Variants in TBC1D9 observed in about 807,000 individuals in gnomAD.
TBC1D9 encodes the protein TBC1 domain family member 9A.
TBC1D9 carries 63 observed loss-of-function variants against 132.0 expected under a neutral mutation model. The observed-to-expected ratio is 0.48, with a 90% confidence interval of 0.39 to 0.59. TBC1D9 has a LOEUF of 0.59. Ranked by LOEUF, TBC1D9 falls within the 20% of genes least tolerant of loss-of-function variation. The pLI is 0.00. For missense variants in TBC1D9, 1,261 were observed against 1,592.7 expected (o/e 0.79, Z 3.54); for synonymous variants, 610 against 609.9 (o/e 1.00, Z 0.00).
intron 2 of TBC1D9, among the ~76,000 whole-genome samples, chr4:140,700,506 C>A (rs541377061): frequency 1.3e-5 from 2 of 151,084 alleles, no homozygotes; most frequent in Non-Finnish European, 2.9e-5. Context: ...TATGAGAGAT[C>A]CAATAAAAGC....
At position 140,712,666 on chromosome 4, in the gene TBC1D9, C is replaced by T. The variant is rs185021029; in HGVS notation, c.131-11052G>A. Among the ~76,000 whole-genome samples the T allele has an allele frequency of 4.4e-3, 661 of 151,262 alleles. 4 individuals carry two copies. Among genetic ancestry groups the T allele is most frequent in the Non-Finnish European group, 7.9e-3 (534 of 67,822 alleles). On this transcript the variant is annotated intron_variant, in intron 1 of 20. Coordinates refer to ENST00000442267, the MANE Select transcript of TBC1D9 (RefSeq NM_015130.3). ...CTGAGGCAGGAGAATTGCTTGAACC[C>T]GGGAGGCGGAGGTTGCAGTGAAGCC...
At chr4:140,660,749 TG>T (rs575696981) in intron 10 of TBC1D9, among the ~76,000 whole-genome samples, 28 of 152,106 alleles carry the variant, frequency 1.8e-4, no homozygotes, top group African/African-American at 1.4e-4. Flanking sequence ...CTAGTCTATG[TG>T]GGGGGTTATT....
intron 16 of TBC1D9, among the ~76,000 whole-genome samples, chr4:140,629,709 AG>A (rs1736762057): frequency 6.6e-6 from 1 of 152,182 alleles, no homozygotes; most frequent in African/African-American, 2.4e-5. Context: ...TCCAGGAAAT[AG>A]GGGAACTGTT....
At chr4:140,710,645 T>C (rs1415708212) in intron 1 of TBC1D9, among the ~76,000 whole-genome samples, 2 of 152,094 alleles carry the variant, frequency 1.3e-5, no homozygotes, top group African/African-American at 2.4e-5. Flanking sequence ...AGCTGTTCCA[T>C]TTCCCCTGCA....
chr4:140,731,941 A>C (rs1738600127), intron 1 of TBC1D9, among the ~76,000 whole-genome samples: 1 of 152,168 alleles, frequency 6.6e-6, no homozygotes, highest in East Asian at 1.9e-4. Flanking sequence ...GCATAAAGCT[A>C]TCTGGATGAG....
chr4:140,732,462 A>G (rs572291002), intron 1 of TBC1D9, among the ~76,000 whole-genome samples: 2 of 152,358 alleles, frequency 1.3e-5, no homozygotes, highest in East Asian at 3.9e-4. Flanking sequence ...ATATAATTAC[A>G]AGAAGACTTT....
rs183923291 is a variant in TBC1D9 at position 140,667,774 on chromosome 4, G to A, written c.1588+1143C>T. Among the ~76,000 whole-genome samples, 667 of 152,124 alleles carry A rather than the reference G, an allele frequency of 4.4e-3. 3 individuals are homozygous for A. The highest frequency in any genetic ancestry group is 7.4e-3 in the Non-Finnish European group (500 of 67,988). ...GAAAGAAAAATGAAAAATAAGACATGTATTAAATAAATATAGAACAAACTA... is the reference window on the plus strand; with the variant it reads ...GAAAGAAAAATGAAAAATAAGACATATATTAAATAAATATAGAACAAACTA... On this transcript the variant is annotated intron_variant, in intron 9 of 20. Coordinates refer to ENST00000442267, the MANE Select transcript of TBC1D9 (RefSeq NM_015130.3).
chr4:140,649,526 G>C (rs891594805), intron 13 of TBC1D9, among the ~76,000 whole-genome samples: 2 of 152,178 alleles, frequency 1.3e-5, no homozygotes, highest in Admixed American at 6.5e-5. Flanking sequence ...GGAAGAAATT[G>C]ATGGAATGTG....
intron 2 of TBC1D9, among the ~76,000 whole-genome samples, chr4:140,691,475 C>A (rs1737877694): frequency 6.6e-6 from 1 of 152,206 alleles, no homozygotes; most frequent in Non-Finnish European, 1.5e-5. Flanking sequence ...ATTTACCCAG[C>A]AGCTTGAACA....
Position 140,622,491 on chromosome 4 carries a change from T to C in TBC1D9, c.3505A>G (p.Ser1169Gly). ...TTGTCCTCCTCGTGGGAGCCGGCAC[T>C]CAGCACCGAGTATGAGGACATGGAG... ...DSSMSSYSVL[S>G]AGSHEEDKLH... The change falls in exon 21 of 21, where the codon AGT (serine) becomes GGT (glycine). Residue 1169 changes from serine (S) to glycine (G), a missense_variant. Ser to Gly is a moderately conservative substitution (Grantham distance 56). Transcript: ENST00000442267. The C allele has an allele frequency of 6.2e-7, 1 of 1,614,056 alleles. No homozygotes were observed. The highest frequency in any genetic ancestry group is 8.5e-7 in the Non-Finnish European group (1 of 1,179,910).
intron 1 of TBC1D9, among the ~76,000 whole-genome samples, chr4:140,728,847 A>G (rs1738541724): frequency 1.3e-5 from 2 of 152,072 alleles, no homozygotes; most frequent in Admixed American, 1.3e-4. Context: ...TATTTTTAGT[A>G]GAGACGGTGT....
chr4:140,649,739 G>C (rs1737159075), intron 13 of TBC1D9, among the ~76,000 whole-genome samples: 1 of 152,134 alleles, frequency 6.6e-6, no homozygotes, highest in Admixed American at 6.5e-5. Flanking sequence ...GAGGGTGAGG[G>C]GGGCAGAGGA....
chr4:140,745,475 C>T (rs1016720809), intron 1 of TBC1D9, among the ~76,000 whole-genome samples: 2 of 152,208 alleles, frequency 1.3e-5, no homozygotes, highest in African/African-American at 4.8e-5. Flanking sequence ...TCCAACTCCT[C>T]TTCCTCAGCC....
intron 1 of TBC1D9, among the ~76,000 whole-genome samples, chr4:140,717,724 G>A (rs372390321): frequency 5.3e-5 from 8 of 152,120 alleles, no homozygotes; most frequent in Admixed American, 1.3e-4. Flanking sequence ...CAGGTGCAGC[G>A]TGAAGATTAT....
At chr4:140,740,486 T>A (rs1254091372) in intron 1 of TBC1D9, among the ~76,000 whole-genome samples, 6 of 152,200 alleles carry the variant, frequency 3.9e-5, no homozygotes, top group African/African-American at 1.4e-4. Flanking sequence ...AGGGTCTACA[T>A]AATGAACTCC....
At chr4:140,680,007 T>C (rs935055812) in intron 3 of TBC1D9, among the ~76,000 whole-genome samples, 164 bp from the exon 4 acceptor site, 1 of 152,194 alleles carries the variant, frequency 6.6e-6, no homozygotes, top group East Asian at 1.9e-4. Flanking sequence ...GTAGTATTTG[T>C]GTACTAAAAT....
rs748740929 is a variant in TBC1D9 at position 140,659,718 on chromosome 4, A to G, written c.1804-13T>C. ...CAATATTCATGGCCTAAAAAAGTGA[A>G]AGAGGATGTCATCAAATACAGTTGA... On this transcript the variant is annotated splice_polypyrimidine_tract_variant and intron_variant, in intron 10 of 20. Coordinates refer to ENST00000442267, the MANE Select transcript of TBC1D9 (RefSeq NM_015130.3). The G allele has an allele frequency of 1.3e-6, 2 of 1,546,320 alleles. No homozygotes were observed. Among genetic ancestry groups the G allele is most frequent in the Non-Finnish European group, 1.8e-6 (2 of 1,129,656 alleles).
rs1337372033 is a variant in TBC1D9, at chr4:140,755,964, G to A, written c.82C>T (p.Arg28Trp). ...CCATCGCCGGCGTGGCCCTTCCTCC[G>A]CTGCAGGATGAAGTATGGGTTGGCC... ...ERANPYFILQ[R>W]RKGHAGDGGG... Residue 28 changes from arginine to tryptophan, a missense_variant, in exon 1 of 21, where the codon CGG (arginine) becomes TGG (tryptophan). By Grantham distance (101) the Arg-to-Trp change is moderately radical. Around this residue, in one of 3 missense-constraint regions of TBC1D9, gnomAD observed 550 missense variants for 699.0 expected, o/e 0.79. Transcript: ENST00000442267. 1 of 1,603,776 alleles carries A rather than the reference G, an allele frequency of 6.2e-7. No homozygotes were observed. The highest frequency in any genetic ancestry group is 1.7e-5 in the Admixed American group (1 of 59,118).
At chr4:140,737,780 G>A (rs1176468061) in intron 1 of TBC1D9, among the ~76,000 whole-genome samples, 39 of 152,284 alleles carry the variant, frequency 2.6e-4, no homozygotes, top group Admixed American at 2.6e-3. Flanking sequence ...TCGCTTTGGT[G>A]GAAAATTTGG....
Sources: gnomAD v4.1 joint callset for allele counts (sites outside exome capture counted in the v4.1 genomes callset) on GRCh38, gnomAD v4.1.1 for gene constraint, gnomAD v4.1.1 regional missense constraint, MANE v1.5 for transcripts, NCBI Gene and HGNC (gene_info 2026-07-23, HGNC 2026-07-21) for gene names.